Variants in DIAPH2 observed in about 807,000 individuals in gnomAD.
The protein encoded by DIAPH2 is diaphanous related formin 2, also known as protein diaphanous homolog 2.
A neutral mutation model predicts 92.7 loss-of-function variants in DIAPH2; 35 were observed. The observed-to-expected ratio is 0.38, with a 90% CI of 0.29 to 0.50. The LOEUF is 0.50. Ranked by LOEUF, DIAPH2 falls within the 20% of genes least tolerant of loss-of-function variation. The probability of loss-of-function intolerance (pLI) is 0.94; values close to 1 mark genes in which losing one functional copy is unlikely to be tolerated. For synonymous variants in DIAPH2, 301 were observed against 280.4 expected, an observed-to-expected ratio of 1.07 and a Z score of -0.73; for missense variants, 701 against 819.5, an observed-to-expected ratio of 0.86 and a Z score of 1.77.
intron 4 of DIAPH2, among the ~76,000 whole-genome samples, chrX:96,871,324 G>A (rs1051033854): frequency 4.6e-5 from 5 of 109,426 alleles, no homozygotes; most frequent in Non-Finnish European, 7.6e-5. Flanking sequence ...AAAAAAATTA[G>A]CCAGGCGTGG....
intron 17 of DIAPH2, among the ~76,000 whole-genome samples, chrX:97,034,372 C>G (rs1352528875): frequency 9.1e-6 from 1 of 109,910 alleles, no homozygotes; most frequent in Non-Finnish European, 1.9e-5. Flanking sequence ...TTAAAATAAT[C>G]TACATGGTAT....
intron 1 of DIAPH2, among the ~76,000 whole-genome samples, chrX:96,711,941 G>A (rs1351697189): frequency 9.0e-6 from 1 of 111,296 alleles, no homozygotes; most frequent in Non-Finnish European, 1.9e-5. Flanking sequence ...AAAAACCCCT[G>A]AACTTCTAAA....
intron 23 of DIAPH2, among the ~76,000 whole-genome samples, chrX:97,275,329 G>GGC (rs1556015696): frequency 2.1e-5 from 2 of 94,340 alleles, no homozygotes; most frequent in African/African-American, 7.9e-5. Context: ...CTGTCCCCCC[G>GGC]CCCACCTCCC....
At chrX:97,443,340 G>A (rs769045226) in intron 26 of DIAPH2, among the ~76,000 whole-genome samples, 8 of 112,151 alleles carry the variant, frequency 7.1e-5, no homozygotes, top group Non-Finnish European at 1.1e-4. Context: ...CTCTCTTAAA[G>A]ATATATTGAT....
intron 22 of DIAPH2, among the ~76,000 whole-genome samples, chrX:97,246,698 A>G (rs748604351): frequency 8.9e-6 from 1 of 112,413 alleles, no homozygotes; most frequent in Non-Finnish European, 1.9e-5. Flanking sequence ...ATGTCTCTGC[A>G]TAAGACTAAC....
At chrX:97,317,977 TAA>T (rs776165348) in intron 23 of DIAPH2, among the ~76,000 whole-genome samples, 5 of 111,944 alleles carry the variant, frequency 4.5e-5, no homozygotes, top group East Asian at 2.8e-4. Flanking sequence ...AGAAATTATA[TAA>T]GATACAATAT....
intron 20 of DIAPH2, among the ~76,000 whole-genome samples, chrX:97,106,544 A>G (rs1602345968): frequency 8.9e-6 from 1 of 112,021 alleles, no homozygotes; most frequent in Admixed American, 9.5e-5. Flanking sequence ...TAATTTTGCT[A>G]TTGATTGGTT....
At position 96,876,558 on chromosome X, in the gene DIAPH2, C is replaced by T. The variant is rs764516842; in HGVS notation, c.448-5021C>T. Among the ~76,000 whole-genome samples, 12 of 112,027 alleles carry T rather than the reference C, an allele frequency of 1.1e-4. No individual in the cohort carries two copies. In the South Asian group the frequency reaches 1.5e-3, roughly 14 times the overall value. ...GGATTAAGGAAATGTGGCACATATA[C>T]ACAATGGAATACTATGCAGCCATAA... On this transcript the variant is annotated intron_variant, in intron 4 of 26. Coordinates refer to ENST00000324765, the MANE Select transcript of DIAPH2 (RefSeq NM_006729.5).
At chrX:97,472,046 A>G (rs1031781485) in intron 26 of DIAPH2, among the ~76,000 whole-genome samples, 9 of 112,277 alleles carry the variant, frequency 8.0e-5, no homozygotes, top group Non-Finnish European at 1.5e-4. Flanking sequence ...TTCTTTGGTC[A>G]TAGTGCTCTA....
intron 22 of DIAPH2, among the ~76,000 whole-genome samples, chrX:97,240,064 T>C (rs2068081045): frequency 1.8e-5 from 2 of 110,290 alleles, no homozygotes; most frequent in African/African-American, 3.3e-5. Flanking sequence ...TTTCTAATAC[T>C]TTTTTTTTGT....
At chrX:96,716,092 G>C (rs1460344569) in intron 1 of DIAPH2, among the ~76,000 whole-genome samples, 1 of 110,990 alleles carries the variant, frequency 9.0e-6, no homozygotes, top group Non-Finnish European at 1.9e-5. Flanking sequence ...CGGATAAACT[G>C]AGCCTTTAAT....
chrX:97,294,511 T>G (rs1248583904), intron 23 of DIAPH2, among the ~76,000 whole-genome samples: 1 of 111,854 alleles, frequency 8.9e-6, no homozygotes, highest in Non-Finnish European at 1.9e-5. Flanking sequence ...CTTTGAGTTA[T>G]TCAAGTTATA....
chrX:97,515,391 C>T (rs1018054504), intron 26 of DIAPH2, among the ~76,000 whole-genome samples: 1 of 112,465 alleles, frequency 8.9e-6, no homozygotes, highest in African/African-American at 3.2e-5. Flanking sequence ...CGCGCACCCA[C>T]TGTCCTGCGC....
chrX:97,463,274 C>CTT (rs34254892), intron 26 of DIAPH2, among the ~76,000 whole-genome samples: 37,602 of 92,102 alleles, frequency 0.41, 7,672 homozygotes, highest in Non-Finnish European at 0.56. Context: ...TATCTGAATC[C>CTT]TTTTTTTTTT....
chrX:96,904,567 A>G (rs1242460911), intron 5 of DIAPH2, among the ~76,000 whole-genome samples: 1 of 111,728 alleles, frequency 9.0e-6, no homozygotes, highest in Non-Finnish European at 1.9e-5. Context: ...GAAACTGTTT[A>G]TGATGTTTAT....
In DIAPH2 at chrX:97,484,517, G is replaced by T. The variant is rs186970443; in HGVS notation, c.3241+54772G>T. 8.9e-5 allele frequency among the ~76,000 whole-genome samples: 10 copies of T among 112,028 alleles called. No homozygotes were observed. The East Asian group carries it at 2.8e-3, about 31-fold the overall frequency. ...AGAAATAGGTTCTTTTCTATGGGTT[G>T]TTCATATTGCGCCCTTGTAAATAAT... On this transcript the variant is annotated intron_variant, in intron 26 of 26. Transcript: ENST00000324765.
intron 15 of DIAPH2, among the ~76,000 whole-genome samples, chrX:96,957,066 G>A (rs181845981): frequency 8.9e-6 from 1 of 112,469 alleles, no homozygotes; most frequent in Non-Finnish European, 1.9e-5. Context: ...TGTCACCAAG[G>A]CTGGAGTGCA....
At chrX:96,782,778 A>G (rs888916038) in intron 4 of DIAPH2, among the ~76,000 whole-genome samples, 3 of 111,318 alleles carry the variant, frequency 2.7e-5, no homozygotes, top group South Asian at 3.8e-4. Flanking sequence ...GAGTGCTTAC[A>G]GAACGTGCCG....
At chrX:96,931,600 T>C (rs943545823) in intron 10 of DIAPH2, among the ~76,000 whole-genome samples, 1 of 109,085 alleles carries the variant, frequency 9.2e-6, no homozygotes, top group South Asian at 4.0e-4. Flanking sequence ...AAAAAAGCAC[T>C]AAGGAGAGAA....
Sources: gnomAD v4.1 joint callset for allele counts (sites outside exome capture counted in the v4.1 genomes callset) on GRCh38, gnomAD v4.1.1 for gene constraint, MANE v1.5 for transcripts, NCBI Gene and HGNC (gene_info 2026-07-23, HGNC 2026-07-21) for gene names.